The following DUSP16 variants were observed in gnomAD, a reference collection of about 807,000 sequenced individuals.
The protein encoded by DUSP16 is dual specificity phosphatase 16, also known as dual specificity protein phosphatase 16.
Under a neutral mutation model 58.3 loss-of-function variants are expected in DUSP16, and 21 were observed. That is an observed-to-expected ratio of 0.36 (90% CI 0.26 to 0.52). DUSP16 has a LOEUF of 0.52. DUSP16 is among the 20% of genes least tolerant of loss of function. The pLI, the probability that DUSP16 is intolerant of heterozygous loss-of-function variation, is 0.94. For missense variants in DUSP16, 726 were observed against 819.0 expected, an observed-to-expected ratio of 0.89 and a Z score of 1.39; for synonymous variants, 320 against 323.8, an observed-to-expected ratio of 0.99 and a Z score of 0.12.
intron 3 of DUSP16, among the ~76,000 whole-genome samples, chr12:12,501,289 C>T (rs888736976): frequency 1.3e-5 from 2 of 152,168 alleles, no homozygotes; most frequent in African/African-American, 4.8e-5. Context: ...GGAGAGCTCC[C>T]GTTCATCTCA....
rs1354024214 is a variant in DUSP16, at chr12:12,474,756, A to C, written c.*2077T>G. The C allele has an allele frequency of 6.6e-6, 1 of 152,248 alleles. No individual in the cohort carries two copies. Among genetic ancestry groups the C allele is most frequent in the Non-Finnish European group, 1.5e-5 (1 of 68,046 alleles). 9.4% of individuals were successfully genotyped at this position (152,248 alleles called of 1,614,324 possible). On this transcript the variant is annotated 3_prime_UTR_variant, in exon 7 of 7. Coordinates refer to ENST00000298573, the MANE Select transcript of DUSP16 (RefSeq NM_030640.3). ...ACCTCCTGAAACATCGTTAGCAAGGAGCTACTGCTTTCCTTTCTTAAACAT... is the reference window on the plus strand; with the variant it reads ...ACCTCCTGAAACATCGTTAGCAAGGCGCTACTGCTTTCCTTTCTTAAACAT...
intron 1 of DUSP16, among the ~76,000 whole-genome samples, chr12:12,557,768 T>C (rs1001413885): frequency 6.6e-5 from 10 of 152,250 alleles, no homozygotes; most frequent in South Asian, 2.1e-4. Context: ...TCTTTGTTTA[T>C]TGTCCTGTCT....
At chr12:12,559,947 A>C (rs1031339458) in intron 1 of DUSP16, among the ~76,000 whole-genome samples, 8 of 152,162 alleles carry the variant, frequency 5.3e-5, no homozygotes, top group African/African-American at 1.9e-4. Flanking sequence ...CCGGGGTAAC[A>C]GTGTCTCCTC....
intron 1 of DUSP16, among the ~76,000 whole-genome samples, chr12:12,561,783 G>C (rs1944908179): frequency 6.6e-6 from 1 of 151,750 alleles, no homozygotes; most frequent in African/African-American, 2.4e-5. Context: ...CCTCTCGGCG[G>C]GGCCCGGTCC....
chr12:12,503,019 C>G (rs536655465), intron 3 of DUSP16, among the ~76,000 whole-genome samples: 1 of 152,226 alleles, frequency 6.6e-6, no homozygotes, highest in African/African-American at 2.4e-5. Context: ...GCCCTTGTAC[C>G]TGAGTTCCTG....
intron 4 of DUSP16, among the ~76,000 whole-genome samples, chr12:12,492,679 A>G (rs1592172033): frequency 2.6e-5 from 4 of 151,954 alleles, no homozygotes; most frequent in East Asian, 1.9e-4. Flanking sequence ...CTTCTACTTG[A>G]TATCTCCAGC....
At chr12:12,501,855 T>C (rs1481117028) in intron 3 of DUSP16, among the ~76,000 whole-genome samples, 2 of 151,996 alleles carry the variant, frequency 1.3e-5, no homozygotes, top group Non-Finnish European at 2.9e-5. Context: ...CCAGGCATGG[T>C]GGTGGGTGCC....
At position 12,476,703 on chromosome 12, in the gene DUSP16, T is replaced by C; in HGVS notation, c.*130A>G. 1 of 747,654 alleles carries C rather than the reference T, an allele frequency of 1.3e-6. No homozygotes were observed. The highest frequency in any genetic ancestry group is 1.8e-5 in the African/African-American group (1 of 56,482). The allele number at this position is 747,654 out of a possible 1,614,324, so 46.3% of individuals were successfully genotyped here. A position where few individuals can be genotyped will look rare whatever the true frequency, so the allele number is the denominator to read the frequency against. On this transcript the variant is annotated 3_prime_UTR_variant, in exon 7 of 7. Coordinates refer to ENST00000298573, the MANE Select transcript of DUSP16 (RefSeq NM_030640.3). The stretch of plus-strand genomic sequence containing the variant: ...GTAACAACTGGGTTGATCCACCTGT[T>C]GCTTTTACACCATAGCTCCATTTTC...
chr12:12,539,122 T>C (rs1295614885), intron 1 of DUSP16, among the ~76,000 whole-genome samples: 1 of 152,174 alleles, frequency 6.6e-6, no homozygotes, highest in Non-Finnish European at 1.5e-5. Flanking sequence ...CCTAAAAAAC[T>C]GTCACAAGGG....
At position 12,476,967 on chromosome 12, in the gene DUSP16, G is replaced by C. The variant is rs1279354636; in HGVS notation, c.1864C>G (p.Gln622Glu). 6.2e-7 allele frequency: 1 copy of C among 1,614,200 alleles called. No homozygotes were observed. The highest frequency in any genetic ancestry group is 8.5e-7 in the Non-Finnish European group (1 of 1,180,044). ...ATTTGGCAGCTTCTGCGTTTAAACT[G>C]CTTTTCAAAGGGGCTCTCTTCATGC... is the stretch of plus-strand genomic sequence containing the variant. Reference protein sequence around the residue: ...SWHEESPFEKQFKRRSCQMEF... With the variant: ...SWHEESPFEKEFKRRSCQMEF... Residue 622 changes from glutamine (Q) to glutamate (E), a missense_variant, in exon 7 of 7, where the codon CAG becomes GAG. Physicochemically the swap from Gln to Glu is conservative, Grantham distance 29. Transcript: ENST00000298573.
chr12:12,561,637 T>A (rs1944905203), intron 1 of DUSP16, among the ~76,000 whole-genome samples: 1 of 152,238 alleles, frequency 6.6e-6, no homozygotes, highest in South Asian at 2.1e-4. Flanking sequence ...GTGGCCTCGC[T>A]GCTTACACCA....
chr12:12,476,748 A>G lies in DUSP16; in HGVS notation c.*85T>C. On this transcript the variant is annotated 3_prime_UTR_variant, in exon 7 of 7. Coordinates refer to ENST00000298573, the MANE Select transcript of DUSP16 (RefSeq NM_030640.3). Reference sequence around the variant, plus strand: ...ATTTTCCAAAAATATATATGTATGTACATATATATATTTCAGATTTACAGG... The same window carrying G: ...ATTTTCCAAAAATATATATGTATGTGCATATATATATTTCAGATTTACAGG... The G allele has an allele frequency of 1.6e-6, 2 of 1,279,240 alleles. No individual in the cohort carries two copies. The highest frequency in any genetic ancestry group is 3.0e-5 in the African/African-American group (2 of 66,878). The allele number at this position is 1,279,240 out of a possible 1,614,324, so 79.2% of individuals were successfully genotyped here.
chr12:12,482,497 A>C (rs1943591042), intron 5 of DUSP16, among the ~76,000 whole-genome samples: 1 of 151,822 alleles, frequency 6.6e-6, no homozygotes, highest in Non-Finnish European at 1.5e-5. Context: ...CTTGGGAGAC[A>C]TGAGCCCTAA....
At chr12:12,511,275 G>A (rs1215098988) in intron 3 of DUSP16, among the ~76,000 whole-genome samples, 1 of 152,094 alleles carries the variant, frequency 6.6e-6, no homozygotes, top group Non-Finnish European at 1.5e-5. Flanking sequence ...GACCGAAGAG[G>A]TTGGAAGAAA....
intron 3 of DUSP16, among the ~76,000 whole-genome samples, chr12:12,503,486 G>A (rs551019039): frequency 1.7e-4 from 26 of 151,990 alleles, no homozygotes; most frequent in East Asian, 5.8e-4. Context: ...CGGCCTCCCC[G>A]TTTTTTTGTT....
chr12:12,512,080 C>T (rs1174644916), intron 3 of DUSP16, among the ~76,000 whole-genome samples: 1 of 152,188 alleles, frequency 6.6e-6, no homozygotes, highest in East Asian at 1.9e-4. Flanking sequence ...ACATGACTGA[C>T]TCTCCACACT....
intron 1 of DUSP16, among the ~76,000 whole-genome samples, chr12:12,552,310 G>C (rs1016432082): frequency 1.3e-5 from 2 of 152,032 alleles, no homozygotes; most frequent in Non-Finnish European, 2.9e-5. Flanking sequence ...GCTGGGCATG[G>C]TGGTGCGTGC....
intron 3 of DUSP16, among the ~76,000 whole-genome samples, chr12:12,517,241 T>A (rs1456034893): frequency 6.6e-6 from 1 of 152,248 alleles, no homozygotes; most frequent in African/African-American, 2.4e-5. Context: ...TCTAAACCGA[T>A]GGAAAAATTA....
intron 5 of DUSP16, among the ~76,000 whole-genome samples, chr12:12,483,605 A>G (rs894207216): frequency 6.6e-6 from 1 of 152,082 alleles, no homozygotes; most frequent in Non-Finnish European, 1.5e-5. Flanking sequence ...TCACCTCCCT[A>G]TGTTGTGTCC....
Sources: allele counts gnomAD v4.1 joint callset (sites outside exome capture counted in the v4.1 genomes callset), GRCh38; gene constraint gnomAD v4.1.1; transcripts MANE v1.5; gene names NCBI Gene and HGNC (gene_info 2026-07-23, HGNC 2026-07-21).